Variants in WDPCP observed in about 807,000 individuals in gnomAD.
WDPCP encodes the protein WD repeat containing planar cell polarity effector.
Under a neutral mutation model 93.1 loss-of-function variants are expected in WDPCP, and 71 were observed. That is an observed-to-expected ratio of 0.76 (90% confidence interval 0.63 to 0.93). The LOEUF (loss-of-function observed/expected upper bound fraction) is 0.93, where lower values mean the gene tolerates loss of function less well. WDPCP is among the 40% of genes least tolerant of loss of function. The probability of loss-of-function intolerance (pLI) is 0.00; values close to 1 mark genes in which losing one functional copy is unlikely to be tolerated. For missense variants in WDPCP, 844 were observed against 887.4 expected (o/e 0.95, Z 0.62); for synonymous variants, 315 against 315.0 (o/e 1.00, Z 0.00).
intron 1 of WDPCP, chr2:63,564,100 T>C (rs1706843655): frequency 6.6e-6 from 1 of 152,246 alleles, no homozygotes; most frequent in Non-Finnish European, 1.5e-5. Flanking sequence ...CTCATGTTGC[T>C]AAACTTTGGT....
At chr2:63,207,823 G>A (rs995229443) in intron 14 of WDPCP, among the ~76,000 whole-genome samples, 22 of 152,170 alleles carry the variant, frequency 1.4e-4, no homozygotes, top group Admixed American at 2.0e-4. Context: ...GCTGTATTGC[G>A]TTGGTTTTTC....
At chr2:63,400,834 A>C (rs1295830655) in intron 10 of WDPCP, among the ~76,000 whole-genome samples, 1 of 152,130 alleles carries the variant, frequency 6.6e-6, no homozygotes, top group Non-Finnish European at 1.5e-5. Context: ...CTCAGAAATA[A>C]CACCACACAT....
intron 12 of WDPCP, among the ~76,000 whole-genome samples, chr2:63,328,568 T>C (rs141958622): frequency 0.017 from 2,533 of 152,258 alleles, 76 homozygotes; most frequent in African/African-American, 0.058. Context: ...GAACAAATTC[T>C]GGACACACCA....
At chr2:63,396,555 G>A (rs1318833213) in intron 10 of WDPCP, among the ~76,000 whole-genome samples, 8 of 152,190 alleles carry the variant, frequency 5.3e-5, no homozygotes, top group Middle Eastern at 6.8e-3. Context: ...AGGAGTGAGC[G>A]TGAGAGCACA....
In WDPCP at chr2:63,659,502, A is replaced by G. The variant is rs115231898; in HGVS notation, n.309-8664T>C. On this transcript the variant is annotated intron_variant and non_coding_transcript_variant, in intron 2 of 4. Transcript: ENST00000467687. ...AAAAAGCACAGGAGACAGACACACA[A>G]ACAAGAGGAGGAGGCAATGTGACCA... Among the ~76,000 whole-genome samples the G allele has an allele frequency of 8.9e-3, 1,359 of 152,272 alleles. 19 individuals are homozygous for G. The highest frequency in any genetic ancestry group is 0.03 in the African/African-American group (1,251 of 41,534).
At chr2:63,571,788 C>T (rs1034951202) in intron 1 of WDPCP, among the ~76,000 whole-genome samples, 16 of 152,106 alleles carry the variant, frequency 1.1e-4, no homozygotes, top group South Asian at 2.1e-4. Flanking sequence ...CATAGTTATT[C>T]GTATCATACC....
At chr2:63,185,174 T>C (rs1674529264) in intron 14 of WDPCP, among the ~76,000 whole-genome samples, 1 of 152,252 alleles carries the variant, frequency 6.6e-6, no homozygotes, top group Admixed American at 6.5e-5. Flanking sequence ...TTGGATCTGA[T>C]TGAGCTTCTA....
intron 6 of WDPCP, among the ~76,000 whole-genome samples, chr2:63,449,266 AG>A (rs1474218777): frequency 2.6e-5 from 4 of 152,198 alleles, no homozygotes; most frequent in Non-Finnish European, 5.9e-5. Flanking sequence ...TCAGTGAGGT[AG>A]TTAGTAATTA....
chr2:63,681,705 C>G (rs1379998622), intron 2 of WDPCP, among the ~76,000 whole-genome samples: 1 of 152,098 alleles, frequency 6.6e-6, no homozygotes, highest in African/African-American at 2.4e-5. Flanking sequence ...GGTAGGGAGG[C>G]AGTGGTTACA....
chr2:63,200,240 G>A (rs1042030527), intron 14 of WDPCP, among the ~76,000 whole-genome samples: 3 of 152,160 alleles, frequency 2.0e-5, no homozygotes, highest in African/African-American at 7.2e-5. Context: ...CATTGTTGGT[G>A]GGAATGTAAT....
intron 2 of WDPCP, among the ~76,000 whole-genome samples, chr2:63,741,220 A>G (rs1003276366): frequency 3.3e-5 from 5 of 152,150 alleles, no homozygotes; most frequent in African/African-American, 4.8e-5. Flanking sequence ...CTTCAAAAAT[A>G]CTGAGACAAA....
intron 9 of WDPCP, among the ~76,000 whole-genome samples, chr2:63,415,451 T>C (rs1231826784): frequency 6.6e-6 from 1 of 152,158 alleles, no homozygotes; most frequent in Non-Finnish European, 1.5e-5. Flanking sequence ...GAAAATAGGA[T>C]ACTGTTTGAC....
upstream of WDPCP, chr2:63,593,397 C>A (rs1314799065): frequency 5.5e-6 from 2 of 364,822 alleles, no homozygotes; most frequent in Non-Finnish European, 1.1e-5. Flanking sequence ...CCTGGCCTGA[C>A]ACTTCTTTTT....
chr2:63,452,786 C>T (rs1022439285), intron 6 of WDPCP, among the ~76,000 whole-genome samples: 1 of 152,082 alleles, frequency 6.6e-6, no homozygotes, highest in African/African-American at 2.4e-5. Context: ...AGAAATAATA[C>T]CACACATCTA....
At chr2:63,550,735 G>A (rs1331895853) in intron 1 of WDPCP, among the ~76,000 whole-genome samples, 4 of 149,496 alleles carry the variant, frequency 2.7e-5, no homozygotes, top group Non-Finnish European at 5.9e-5. Flanking sequence ...ACATATATAT[G>A]TGCATATGTA....
intron 6 of WDPCP, chr2:63,440,673 A>C (rs1468296616): frequency 6.6e-6 from 1 of 152,626 alleles, no homozygotes; most frequent in Non-Finnish European, 1.5e-5. Flanking sequence ...GTTATCTATG[A>C]GATTATGAAA....
chr2:63,620,754 A>G (rs984123258), intron 3 of WDPCP, among the ~76,000 whole-genome samples: 12 of 152,110 alleles, frequency 7.9e-5, no homozygotes, highest in Non-Finnish European at 1.5e-4. Flanking sequence ...AGGGGTCAAC[A>G]GACATAAAGG....
chr2:63,460,939 T>C (rs909132176), intron 6 of WDPCP, among the ~76,000 whole-genome samples: 1 of 151,748 alleles, frequency 6.6e-6, no homozygotes, highest in Non-Finnish European at 1.5e-5. Context: ...AAGTCTCTTA[T>C]AAGCAGAAAA....
chr2:63,313,185 C>G, intron 13 of WDPCP, 63 bp downstream of exon 13: 1 of 1,490,790 alleles, frequency 6.7e-7, no homozygotes. Flanking sequence ...TTTTTATGGT[C>G]ACAAAAGCTG....
Sources: allele counts gnomAD v4.1 joint callset (sites outside exome capture counted in the v4.1 genomes callset), GRCh38; gene constraint gnomAD v4.1.1; transcripts MANE v1.5; gene names NCBI Gene and HGNC (gene_info 2026-07-23, HGNC 2026-07-21).